The following ZEB2 variants were observed in gnomAD, a reference collection of about 807,000 sequenced individuals.
ZEB2 encodes zinc finger E-box-binding homeobox 2.
In ZEB2, 6 loss-of-function variants were observed where a neutral mutation model predicts 99.9. The observed-to-expected ratio is 0.06, with a 90% CI of 0.03 to 0.12. The LOEUF (loss-of-function observed/expected upper bound fraction) is 0.12. Among genes scored for constraint, ZEB2 ranks in the 10% least tolerant of loss-of-function variants. ZEB2 has a pLI of 1.00. For synonymous variants in ZEB2, 517 were observed against 542.5 expected, an observed-to-expected ratio of 0.95 and a Z score of 0.65; for missense variants, 969 against 1,502.8, an observed-to-expected ratio of 0.64 and a Z score of 5.87.
chr2:144,436,290 C>A (rs1427249626), intron 2 of ZEB2, among the ~76,000 whole-genome samples: 1 of 152,110 alleles, frequency 6.6e-6, no homozygotes, highest in Non-Finnish European at 1.5e-5. Flanking sequence ...TATAGTCAGC[C>A]TTTATACAAA....
chr2:144,389,913 G>C lies in ZEB2; in HGVS notation c.3183C>G (p.Gly1061=), dbSNP rs1363385826. ...GEKPYQCDKC[G]KRFSHSGSYS... ...ACGAGCCCGAGTGTGAGAAGCGCTT[G>C]CCACATTTATCACACTGATAGGGCT... The change falls in exon 10 of 10, where the codon GGC becomes GGG. Residue 1061 remains glycine, a synonymous_variant. Coordinates refer to ENST00000627532, the MANE Select transcript of ZEB2 (RefSeq NM_014795.4). This position sits in a 1 kb window ranked among gnomAD's most constrained non-coding sequence, Gnocchi z 6.8. The C allele has an allele frequency of 1.2e-6, 2 of 1,612,986 alleles. No homozygotes were observed. The highest frequency in any genetic ancestry group is 1.7e-5 in the Admixed American group (1 of 60,016).
At chr2:144,422,598 G>C (rs756535220) in intron 4 of ZEB2, among the ~76,000 whole-genome samples, 15 of 152,156 alleles carry the variant, frequency 9.9e-5, no homozygotes, top group Non-Finnish European at 1.9e-4. Flanking sequence ...TCATGAGTTC[G>C]AGACCAGCCT....
chr2:144,513,975 CT>C, intron 2 of ZEB2: 1 of 1,225,656 alleles, frequency 8.2e-7, no homozygotes, highest in Non-Finnish European at 1.1e-6. Context: ...TTTTTGCCTC[CT>C]TCCCCCTCAC....
chr2:144,477,497 G>A (rs149647670), intron 2 of ZEB2, among the ~76,000 whole-genome samples: 11 of 152,254 alleles, frequency 7.2e-5, no homozygotes, highest in African/African-American at 2.6e-4. Flanking sequence ...ATTCTTCAAA[G>A]CCACGAAGTT....
intron 2 of ZEB2, among the ~76,000 whole-genome samples, chr2:144,486,485 G>C (rs2149916952): frequency 6.6e-6 from 1 of 151,762 alleles, no homozygotes; most frequent in Non-Finnish European, 1.5e-5. Context: ...TTATTTCCAT[G>C]TGTATTCTTT....
intron 4 of ZEB2, among the ~76,000 whole-genome samples, chr2:144,409,134 G>T (rs562919145): frequency 6.6e-6 from 1 of 152,058 alleles, no homozygotes. Context: ...GCAGTGGTTC[G>T]GTTGACCACC....
At chr2:144,508,257 A>G (rs576827914) in intron 2 of ZEB2, among the ~76,000 whole-genome samples, 2 of 152,236 alleles carry the variant, frequency 1.3e-5, no homozygotes, top group African/African-American at 4.8e-5. Context: ...GATGCTTTCA[A>G]ATAGGATTCA....
At chr2:144,485,815 C>T (rs1053454828) in intron 2 of ZEB2, among the ~76,000 whole-genome samples, 4 of 152,074 alleles carry the variant, frequency 2.6e-5, no homozygotes, top group African/African-American at 9.7e-5. Flanking sequence ...TACGGGGTTT[C>T]ACCATGTTGG....
Position 144,389,641 on chromosome 2 carries a change from C to T in ZEB2, c.3455G>A (p.Gly1152Asp), listed in dbSNP as rs764991725. The T allele has an allele frequency of 6.2e-7, 1 of 1,614,098 alleles. No homozygotes were observed. The highest frequency in any genetic ancestry group is 8.5e-7 in the Non-Finnish European group (1 of 1,180,026). The change falls in exon 10 of 10, where the codon GGC becomes GAC. Residue 1152 changes from glycine to aspartate, a missense_variant. Gly to Asp is a moderately conservative substitution (Grantham distance 94, BLOSUM62 -1). This residue lies in a region of ZEB2 where 121 missense variants were observed against 166.4 expected (regional missense o/e 0.73). Transcript: ENST00000627532. The surrounding 1 kb of genome is among the most constrained non-coding windows in gnomAD (Gnocchi z 6.8). ...GAACTCCTCGTCGCCATCCTGTCTG[C>T]CCAGCTTCCCGTAGCCATCCTCGCC... is the stretch of plus-strand genomic sequence containing the variant. ...KEGEDGYGKLGRQDGDEEFEE... is the reference protein window; with the variant it reads ...KEGEDGYGKLDRQDGDEEFEE...
At chr2:144,410,278 G>A (rs1703442607) in intron 4 of ZEB2, among the ~76,000 whole-genome samples, 1 of 152,054 alleles carries the variant, frequency 6.6e-6, no homozygotes, top group South Asian at 2.1e-4. Context: ...AGATTGTTAG[G>A]GTGAATTTTC....
At chr2:144,416,023 T>TA (rs2149885050) in intron 4 of ZEB2, among the ~76,000 whole-genome samples, 1 of 152,336 alleles carries the variant, frequency 6.6e-6, no homozygotes, top group Non-Finnish European at 1.5e-5. Context: ...TGCTTAGGCT[T>TA]TCTCTAATCC....
intron 3 of ZEB2, 136 bp downstream of exon 3, chr2:144,429,633 G>T: frequency 3.0e-6 from 4 of 1,345,062 alleles, no homozygotes; most frequent in Non-Finnish European, 4.2e-6. Context: ...CACCAGCTTT[G>T]GTATCTCTAT....
chr2:144,386,517 G>A lies in ZEB2; in HGVS notation c.*2934C>T, dbSNP rs1703085554. 1 of 152,168 alleles carries A rather than the reference G, an allele frequency of 6.6e-6. No homozygotes were observed. Among genetic ancestry groups the A allele is most frequent in the African/African-American group, 2.4e-5 (1 of 41,458 alleles). 9.4% of individuals were successfully genotyped at this position (152,168 alleles called of 1,614,324 possible). ...GGAGTTAGGAACAAATGACAGAGAA[G>A]GGGGTAACAGGAGGGGCAAGGCAGG... On this transcript the variant is annotated 3_prime_UTR_variant, in exon 10 of 10. Coordinates refer to ENST00000627532, the MANE Select transcript of ZEB2 (RefSeq NM_014795.4).
intron 2 of ZEB2, among the ~76,000 whole-genome samples, chr2:144,490,627 T>C (rs1460014347): frequency 6.6e-6 from 1 of 152,212 alleles, no homozygotes; most frequent in Non-Finnish European, 1.5e-5. Flanking sequence ...AAAGTTTTCT[T>C]GGCTGTACCC....
Position 144,402,966 on chromosome 2 carries a change from G to A in ZEB2, c.807+950C>T, listed in dbSNP as rs372386285. ...TATTCGAAGAAAATGAAGGTTATAA[G>A]GAAAACCTAAGAATTTTGAATACAA... On this transcript the variant is annotated intron_variant, in intron 6 of 9. Coordinates refer to ENST00000627532, the MANE Select transcript of ZEB2 (RefSeq NM_014795.4). Among the ~76,000 whole-genome samples, 6 of 152,226 alleles carry A rather than the reference G, an allele frequency of 3.9e-5. No individual in the cohort carries two copies. In the East Asian group the frequency reaches 9.6e-4, roughly 24 times the overall value.
chr2:144,513,153 A>C (rs1048031823), intron 2 of ZEB2: 12 of 1,285,772 alleles, frequency 9.3e-6, no homozygotes, highest in Non-Finnish European at 1.2e-5. Flanking sequence ...TTTTCATTTA[A>C]GCATCTCTGA....
intron 2 of ZEB2, among the ~76,000 whole-genome samples, chr2:144,468,767 A>G (rs1192864698): frequency 6.6e-6 from 1 of 152,054 alleles, no homozygotes; most frequent in African/African-American, 2.4e-5. Context: ...TAAAACTCAG[A>G]GCATATTCTG....
chr2:144,483,610 GTTAGT>G (rs563748732), intron 2 of ZEB2, among the ~76,000 whole-genome samples: 1 of 152,324 alleles, frequency 6.6e-6, no homozygotes, highest in Non-Finnish European at 1.5e-5. Context: ...TTATGAAGAT[GTTAGT>G]TTAGAGTGGG....
intron 2 of ZEB2, chr2:144,464,033 A>G (rs578046792): frequency 3.3e-5 from 5 of 152,304 alleles, no homozygotes; most frequent in African/African-American, 1.2e-4. Flanking sequence ...TATGGAGCTA[A>G]TATGTATACA....
Sources: gnomAD v4.1 joint callset for allele counts (sites outside exome capture counted in the v4.1 genomes callset) on GRCh38, gnomAD v4.1.1 for gene constraint, gnomAD v4.1.1 regional missense constraint, Gnocchi (gnomAD v3.1) non-coding constraint, MANE v1.5 for transcripts, NCBI Gene and HGNC (gene_info 2026-07-23, HGNC 2026-07-21) for gene names.